SORCS3: variants seen among roughly 807,000 people sequenced by gnomAD.
SORCS3 encodes VPS10 domain-containing receptor SorCS3.
SORCS3 carries 57 observed loss-of-function variants against 146.3 expected under a neutral mutation model. The observed-to-expected ratio is 0.39, with a 90% confidence interval of 0.31 to 0.49. The LOEUF is 0.49. SORCS3 is among the 20% of genes least tolerant of loss of function. SORCS3 has a pLI of 0.92. For missense variants in SORCS3, 1,341 were observed against 1,575.5 expected (o/e 0.85, Z 2.52); for synonymous variants, 653 against 618.5 (o/e 1.06, Z -0.83).
chr10:105,115,787 G>T (rs1233850425), intron 7 of SORCS3, among the ~76,000 whole-genome samples: 3 of 152,120 alleles, frequency 2.0e-5, no homozygotes, highest in Non-Finnish European at 4.4e-5. Context: ...GAAATTAATA[G>T]AGTGTAATTA....
At chr10:105,189,184 C>A (rs956178348) in intron 14 of SORCS3, among the ~76,000 whole-genome samples, 1 of 152,190 alleles carries the variant, frequency 6.6e-6, no homozygotes, top group African/African-American at 2.4e-5. Context: ...CTGCCCTCAG[C>A]TTGCTGGCTA....
At chr10:105,186,899 A>T (rs1407623937) in intron 14 of SORCS3, among the ~76,000 whole-genome samples, 1 of 151,656 alleles carries the variant, frequency 6.6e-6, no homozygotes, top group Non-Finnish European at 1.5e-5. Context: ...AAAAAAAAAA[A>T]AAAAATTCCC....
At chr10:104,980,556 G>T (rs1482723803) in intron 4 of SORCS3, among the ~76,000 whole-genome samples, 3 of 152,186 alleles carry the variant, frequency 2.0e-5, no homozygotes, top group Admixed American at 6.5e-5. Context: ...CATGCATGAA[G>T]GCAGCTGTTT....
At chr10:104,835,985 G>A (rs562194613) in intron 1 of SORCS3, among the ~76,000 whole-genome samples, 1 of 152,050 alleles carries the variant, frequency 6.6e-6, no homozygotes, top group South Asian at 2.1e-4. Context: ...TGAGTTGTTC[G>A]GGCACATGCA....
intron 1 of SORCS3, among the ~76,000 whole-genome samples, chr10:104,836,801 T>C (rs2018073854): frequency 6.6e-6 from 1 of 152,086 alleles, no homozygotes; most frequent in Non-Finnish European, 1.5e-5. Context: ...ACACAGCCCA[T>C]ACTGCTCCAT....
At position 105,252,884 on chromosome 10, in the gene SORCS3, G is replaced by A. The variant is rs1215413028; in HGVS notation, c.3215G>A (p.Gly1072Asp). 6.2e-7 allele frequency: 1 copy of A among 1,613,614 alleles called. No individual in the cohort carries two copies. Among genetic ancestry groups the A allele is most frequent in the Non-Finnish European group, 8.5e-7 (1 of 1,179,842 alleles). The part of the protein sequence containing the change: ...PPKNLTERRK[G>D]NEGDLEQIVE... ...AAGAACCTGACAGAGAGGAGGAAAG[G>A]CAATGAAGGGGACCTGGAACAAGTA... is the stretch of plus-strand genomic sequence containing the variant. The change falls in exon 23 of 27, where the codon GGC (glycine) becomes GAC (aspartate). Residue 1072 changes from glycine to aspartate, a missense_variant. Transcript: ENST00000369701.
intron 16 of SORCS3, among the ~76,000 whole-genome samples, chr10:105,208,682 T>A (rs1425774622): frequency 1.3e-5 from 2 of 150,672 alleles, no homozygotes; most frequent in Non-Finnish European, 2.9e-5. Flanking sequence ...CAAGAATGTA[T>A]GCTTTAAGTA....
intron 2 of SORCS3, among the ~76,000 whole-genome samples, chr10:104,856,703 C>G (rs556059370): frequency 2.7e-5 from 4 of 145,608 alleles, no homozygotes; most frequent in African/African-American, 1.0e-4. Flanking sequence ...CTTTCTATTG[C>G]TTTCTCTTTT....
chr10:104,777,008 G>A (rs771297067), intron 1 of SORCS3, among the ~76,000 whole-genome samples: 1 of 150,692 alleles, frequency 6.6e-6, no homozygotes, highest in South Asian at 2.1e-4. Context: ...GGAGATGGGG[G>A]TGGTGGGGGG....
chr10:105,224,191 C>CAA (rs1203083919), intron 20 of SORCS3, among the ~76,000 whole-genome samples: 1 of 152,144 alleles, frequency 6.6e-6, no homozygotes, highest in Non-Finnish European at 1.5e-5. Flanking sequence ...ACTATAGTAT[C>CAA]AAAAAGAAGG....
At chr10:104,691,907 AT>A (rs1165121380) in intron 1 of SORCS3, among the ~76,000 whole-genome samples, 1 of 151,982 alleles carries the variant, frequency 6.6e-6, no homozygotes. Context: ...CACCTGGCTA[AT>A]TTTTTGTTAT....
At chr10:105,181,036 C>T (rs975599145) in intron 14 of SORCS3, among the ~76,000 whole-genome samples, 4 of 152,190 alleles carry the variant, frequency 2.6e-5, no homozygotes, top group Non-Finnish European at 4.4e-5. Context: ...CATGTGCACA[C>T]GTGCACAGAC....
intron 1 of SORCS3, among the ~76,000 whole-genome samples, chr10:104,647,554 C>G (rs1365107789): frequency 6.6e-6 from 1 of 152,158 alleles, no homozygotes; most frequent in Non-Finnish European, 1.5e-5. Flanking sequence ...GCACCCCTTC[C>G]CTCCAATCAC....
chr10:105,251,463 C>G (rs1053660458), intron 22 of SORCS3, among the ~76,000 whole-genome samples: 5 of 152,114 alleles, frequency 3.3e-5, no homozygotes, highest in African/African-American at 9.7e-5. Context: ...CTACACCAGA[C>G]AGATGTAATC....
intron 7 of SORCS3, among the ~76,000 whole-genome samples, chr10:105,119,276 G>A (rs1223184532): frequency 6.6e-6 from 1 of 152,168 alleles, no homozygotes; most frequent in Non-Finnish European, 1.5e-5. Flanking sequence ...ATTGAGGTTT[G>A]GGGATGTTCA....
chr10:104,990,521 A>G (rs2054987078), intron 4 of SORCS3, among the ~76,000 whole-genome samples: 1 of 152,232 alleles, frequency 6.6e-6, no homozygotes, highest in Non-Finnish European at 1.5e-5. Context: ...CACAAAACCT[A>G]GGTTTCCACC....
At chr10:104,669,706 T>C (rs1168941656) in intron 1 of SORCS3, among the ~76,000 whole-genome samples, 1 of 152,210 alleles carries the variant, frequency 6.6e-6, no homozygotes, top group Admixed American at 6.5e-5. Flanking sequence ...CATGGGTATA[T>C]GGTATACCAG....
At chr10:105,149,624 A>G (rs1378017212) in intron 9 of SORCS3, among the ~76,000 whole-genome samples, 1 of 152,178 alleles carries the variant, frequency 6.6e-6, no homozygotes, top group Non-Finnish European at 1.5e-5. Flanking sequence ...TTGTACAAGT[A>G]AAGCCATAGA....
At chr10:104,955,107 A>G (rs1486263364) in intron 3 of SORCS3, among the ~76,000 whole-genome samples, 1 of 152,194 alleles carries the variant, frequency 6.6e-6, no homozygotes, top group Non-Finnish European at 1.5e-5. Flanking sequence ...TGTAATCACT[A>G]CTATCTAGTT....
Sources: allele counts gnomAD v4.1 joint callset (sites outside exome capture counted in the v4.1 genomes callset), GRCh38; gene constraint gnomAD v4.1.1; transcripts MANE v1.5; gene names NCBI Gene and HGNC (gene_info 2026-07-23, HGNC 2026-07-21).